Variants in SHISA9 observed in about 807,000 individuals in gnomAD.
SHISA9 encodes shisa family member 9.
SHISA9 carries 13 observed loss-of-function variants against 38.0 expected under a neutral mutation model. That is an observed-to-expected ratio of 0.34 (90% CI 0.22 to 0.54). The LOEUF is 0.54. SHISA9 is among the 20% of genes least tolerant of loss of function. SHISA9 has a pLI of 0.91. For synonymous variants in SHISA9, 275 were observed against 242.0 expected (o/e 1.14, Z -1.27); for missense variants, 538 against 575.8 (o/e 0.93, Z 0.67).
chr16:13,469,415 A>AAGAAAAAGAAAGAAAG, the SHISA9 span, among the ~76,000 whole-genome samples: 55 of 122,594 alleles, frequency 4.5e-4, no homozygotes, highest in African/African-American at 1.6e-3. Context: ...GAAAGAAAGA[A>AAGAAAAAGAAAGAAAG]AGAAAGAAAA....
chr16:13,197,114 C>T (rs1027466296), intron 2 of SHISA9, among the ~76,000 whole-genome samples: 4 of 95,250 alleles, frequency 4.2e-5, no homozygotes, highest in Admixed American at 1.2e-4. Context: ...TACACACACA[C>T]ACACACACAC....
intron 2 of SHISA9, among the ~76,000 whole-genome samples, chr16:13,065,918 T>C (rs1357334778): frequency 3.3e-5 from 5 of 152,232 alleles, no homozygotes; most frequent in African/African-American, 1.2e-4. Context: ...AACTGTCTTT[T>C]ATGCCAGGGT....
the SHISA9 span, among the ~76,000 whole-genome samples, chr16:13,449,752 A>G: frequency 1.3e-5 from 2 of 152,220 alleles, no homozygotes; most frequent in East Asian, 1.9e-4. Flanking sequence ...TTCTACCCAT[A>G]TGTCCCACCT....
the SHISA9 span, among the ~76,000 whole-genome samples, chr16:13,364,668 A>G: frequency 6.6e-6 from 1 of 152,230 alleles, no homozygotes; most frequent in African/African-American, 2.4e-5. Flanking sequence ...TTATTCTTGG[A>G]TCAAGCCCTG....
the SHISA9 span, among the ~76,000 whole-genome samples, chr16:13,420,369 C>T: frequency 3.3e-5 from 5 of 149,910 alleles, no homozygotes; most frequent in South Asian, 1.1e-3. Flanking sequence ...AAATATGATC[C>T]TCCCCTCACA....
chr16:13,208,308 T>C (rs1323709808), intron 3 of SHISA9, among the ~76,000 whole-genome samples: 1 of 152,184 alleles, frequency 6.6e-6, no homozygotes, highest in East Asian at 1.9e-4. Context: ...GTGTTAATGT[T>C]GGTTGTTCCT....
At chr16:13,022,559 G>A (rs1216806976) in intron 2 of SHISA9, among the ~76,000 whole-genome samples, 2 of 152,058 alleles carry the variant, frequency 1.3e-5, no homozygotes, top group African/African-American at 4.8e-5. Flanking sequence ...TTGAACTCCT[G>A]ACCTCAGGTG....
At chr16:13,431,189 C>A in the SHISA9 span, among the ~76,000 whole-genome samples, 1 of 152,218 alleles carries the variant, frequency 6.6e-6, no homozygotes, top group Non-Finnish European at 1.5e-5. Context: ...CCTCATCCCA[C>A]ACACAAAACC....
the SHISA9 span, among the ~76,000 whole-genome samples, chr16:13,250,215 G>A: frequency 1.3e-5 from 2 of 152,334 alleles, no homozygotes; most frequent in Admixed American, 1.3e-4. Context: ...ACTGGACCCA[G>A]ACCCTCAGGT....
the SHISA9 span, among the ~76,000 whole-genome samples, chr16:13,493,923 G>T: frequency 1.3e-5 from 2 of 151,616 alleles, no homozygotes; most frequent in Non-Finnish European, 2.9e-5. Context: ...CCAGAGGAAA[G>T]TTCCAGACTC....
chr16:13,139,023 G>A (rs1156812185), intron 2 of SHISA9, among the ~76,000 whole-genome samples: 6 of 152,062 alleles, frequency 3.9e-5, no homozygotes, highest in African/African-American at 9.7e-5. Context: ...TCAAACGTGG[G>A]GTACTAAGTT....
At chr16:13,214,469 G>A (rs577496616) in intron 4 of SHISA9, among the ~76,000 whole-genome samples, 1 of 152,056 alleles carries the variant, frequency 6.6e-6, no homozygotes, top group Non-Finnish European at 1.5e-5. Flanking sequence ...GCCTCCCAAA[G>A]TGCTGGGATT....
At chr16:13,054,553 T>C (rs1007827354) in intron 2 of SHISA9, among the ~76,000 whole-genome samples, 2 of 152,244 alleles carry the variant, frequency 1.3e-5, no homozygotes, top group African/African-American at 2.4e-5. Flanking sequence ...CTTTCTATTA[T>C]AATCTCCTTT....
chr16:13,018,023 C>T (rs1444855729), intron 2 of SHISA9, among the ~76,000 whole-genome samples: 1 of 152,218 alleles, frequency 6.6e-6, no homozygotes, highest in Non-Finnish European at 1.5e-5. Flanking sequence ...CTTATAACAA[C>T]CAAGACCATT....
the SHISA9 span, among the ~76,000 whole-genome samples, chr16:13,551,361 C>T: frequency 6.6e-6 from 1 of 152,184 alleles, no homozygotes; most frequent in Non-Finnish European, 1.5e-5. Flanking sequence ...CCTATAAGCA[C>T]ATATGTGGGT....
chr16:13,076,990 G>C (rs542087167), intron 2 of SHISA9, among the ~76,000 whole-genome samples: 1 of 152,162 alleles, frequency 6.6e-6, no homozygotes, highest in Non-Finnish European at 1.5e-5. Flanking sequence ...TTACAACCGG[G>C]TTTGAGGCAA....
rs34471353 is a variant in SHISA9, at chr16:13,118,730, C to CTTTTTTTTTT, written c.692-84657_692-84648dup. Among the ~76,000 whole-genome samples, 6 of 130,762 alleles carry CTTTTTTTTTT rather than the reference C, an allele frequency of 4.6e-5. 1 individual carries two copies. The highest frequency in any genetic ancestry group is 6.3e-5 in the Non-Finnish European group (4 of 63,392). The allele number at this position is 130,762 out of a possible 152,430, so 85.8% of individuals were successfully genotyped here. A position where few individuals can be genotyped will look rare whatever the true frequency, so the allele number is the denominator to read the frequency against. The stretch of plus-strand genomic sequence containing the variant: ...CATTTCTTTCTTTCTTTTCTTTTTT[C>CTTTTTTTTTT]TTTTTTTTTTTTTTTTGAGACAGAG... On this transcript the variant is annotated intron_variant, in intron 2 of 4. Coordinates refer to ENST00000558583, the MANE Select transcript of SHISA9 (RefSeq NM_001145204.3).
the SHISA9 span, among the ~76,000 whole-genome samples, chr16:13,434,501 T>G: frequency 1.3e-5 from 2 of 148,878 alleles, no homozygotes; most frequent in East Asian, 4.1e-4. Context: ...CACTGCAAGC[T>G]CCGCCTCCCA....
intron 2 of SHISA9, among the ~76,000 whole-genome samples, chr16:12,970,416 T>TAC (rs59203908): frequency 0.068 from 2,598 of 38,158 alleles, 47 homozygotes; most frequent in Non-Finnish European, 0.092. Flanking sequence ...TATATATATA[T>TAC]ACACATATAT....
Sources: gnomAD v4.1 joint callset for allele counts (sites outside exome capture counted in the v4.1 genomes callset) on GRCh38, gnomAD v4.1.1 for gene constraint, MANE v1.5 for transcripts, NCBI Gene and HGNC (gene_info 2026-07-23, HGNC 2026-07-21) for gene names.